Variants in HS6ST1 observed in about 807,000 individuals in gnomAD.
HS6ST1 encodes heparan-sulfate 6-O-sulfotransferase 1.
HS6ST1 carries 3 observed loss-of-function variants against 25.2 expected under a neutral mutation model. The observed-to-expected ratio is 0.12, with a 90% CI of 0.05 to 0.31. The LOEUF is 0.31. HS6ST1 is among the 10% of genes least tolerant of loss of function. The pLI, the probability that HS6ST1 is intolerant of heterozygous loss-of-function variation, is 1.00. For synonymous variants in HS6ST1, 204 were observed against 275.1 expected, an observed-to-expected ratio of 0.74 and a Z score of 2.56; for missense variants, 310 against 609.6, an observed-to-expected ratio of 0.51 and a Z score of 5.18.
intron 1 of HS6ST1, among the ~76,000 whole-genome samples, chr2:128,286,930 C>G (rs1483930177): frequency 1.3e-5 from 2 of 152,146 alleles, no homozygotes; most frequent in Non-Finnish European, 2.9e-5. Flanking sequence ...GGAGGCCCCT[C>G]TGAATGCCTC....
Position 128,294,359 on chromosome 2 carries a change from G to A in HS6ST1, c.527+23678C>T, listed in dbSNP as rs76246130. Among the ~76,000 whole-genome samples the A allele has an allele frequency of 6.3e-3, 964 of 152,330 alleles. 15 individuals carry two copies. Among genetic ancestry groups the A allele is most frequent in the African/African-American group, 0.021 (866 of 41,568 alleles). ...CTGCCCATGAAGTGCCGCAGTCCCC[G>A]AGGGAGGGGAGGGCTCTCCTTGCTA... is the stretch of plus-strand genomic sequence containing the variant. On this transcript the variant is annotated intron_variant, in intron 1 of 1. Transcript: ENST00000259241.
intron 1 of HS6ST1, among the ~76,000 whole-genome samples, chr2:128,315,469 G>A (rs1019661442): frequency 7.2e-5 from 11 of 152,164 alleles, no homozygotes; most frequent in African/African-American, 2.7e-4. Flanking sequence ...TGGGCAGGGA[G>A]GCAGGCAGAG....
chr2:128,288,092 G>A (rs1020139011), intron 1 of HS6ST1, among the ~76,000 whole-genome samples: 7 of 152,204 alleles, frequency 4.6e-5, no homozygotes, highest in Non-Finnish European at 8.8e-5. Context: ...GGGCTGGCTC[G>A]GCCTGAGACC....
chr2:128,280,271 G>C (rs1027050867), intron 1 of HS6ST1, among the ~76,000 whole-genome samples: 16 of 152,246 alleles, frequency 1.1e-4, no homozygotes, highest in Non-Finnish European at 1.6e-4. Flanking sequence ...GCGGGTGGCT[G>C]CCTCCTCTTT....
intron 1 of HS6ST1, among the ~76,000 whole-genome samples, chr2:128,275,912 C>T (rs1480316662): frequency 6.6e-6 from 1 of 152,164 alleles, no homozygotes; most frequent in Non-Finnish European, 1.5e-5. Context: ...GTAACAGTGC[C>T]AAATGCCCAC....
At chr2:128,279,412 T>G (rs1482272791) in intron 1 of HS6ST1, among the ~76,000 whole-genome samples, 1 of 149,552 alleles carries the variant, frequency 6.7e-6, no homozygotes, top group Non-Finnish European at 1.5e-5. Flanking sequence ...TGGTTTTCCG[T>G]GGCTCAGAGG....
In HS6ST1 at chr2:128,318,334, C is replaced by G; in HGVS notation, c.230G>C (p.Arg77Pro). 1 of 1,611,960 alleles carries G rather than the reference C, an allele frequency of 6.2e-7. No homozygotes were observed. Among genetic ancestry groups the G allele is most frequent in the Non-Finnish European group, 8.5e-7 (1 of 1,179,448 alleles). Residue 77 changes from arginine to proline, a missense_variant, in exon 1 of 2, where the codon CGC becomes CCC. By Grantham distance (103) the Arg-to-Pro change is moderately radical. This residue lies in a region of HS6ST1 where 9 missense variants were observed against 27.4 expected (regional missense o/e 0.33). Transcript: ENST00000259241. This position sits in a 1 kb window ranked among gnomAD's most constrained non-coding sequence, Gnocchi z 5.7. ...GCCCTTCATGTCGAAGCGCAGCGAG[C>G]GCTCCAGCTCGCGGACCGGGAAGTA... The part of the protein sequence containing the change: ...KYYFPVRELE[R>P]SLRFDMKGDD...
chr2:128,294,128 A>C (rs756087091), intron 1 of HS6ST1, among the ~76,000 whole-genome samples: 1 of 152,254 alleles, frequency 6.6e-6, no homozygotes, highest in East Asian at 1.9e-4. Flanking sequence ...AACTCCATGA[A>C]GCACTGTCCT....
At chr2:128,290,661 G>C (rs1476771782) in intron 1 of HS6ST1, among the ~76,000 whole-genome samples, 1 of 151,962 alleles carries the variant, frequency 6.6e-6, no homozygotes, top group Non-Finnish European at 1.5e-5. Context: ...AAAACTCTCA[G>C]GAAACTAGGA....
chr2:128,269,344 G>T (rs960612079), intron 1 of HS6ST1, among the ~76,000 whole-genome samples: 2 of 152,324 alleles, frequency 1.3e-5, no homozygotes, highest in Middle Eastern at 3.4e-3. Context: ...TGGTGGTTGG[G>T]GGGGGGGTGC....
intron 1 of HS6ST1, among the ~76,000 whole-genome samples, chr2:128,306,511 C>T (rs940387357): frequency 5.3e-5 from 8 of 152,192 alleles, no homozygotes; most frequent in Non-Finnish European, 2.9e-5. Context: ...TACACAGGAG[C>T]CTCTAAAGCT....
intron 1 of HS6ST1, among the ~76,000 whole-genome samples, chr2:128,315,556 A>G (rs979692505): frequency 6.6e-6 from 1 of 152,170 alleles, no homozygotes; most frequent in Admixed American, 6.5e-5. Context: ...ACATCGCAGG[A>G]GGGCCAGGGT....
Position 128,268,666 on chromosome 2 carries a change from G to A in HS6ST1, c.732C>T (p.Asn244=), listed in dbSNP as rs377558103. The change falls in exon 2 of 2, where the codon AAC becomes AAT. Residue 244 remains asparagine (N), a synonymous_variant. Coordinates refer to ENST00000259241, the MANE Select transcript of HS6ST1 (RefSeq NM_004807.3). The stretch of plus-strand genomic sequence containing the variant: ...TGCGCACCTGGCGGTTGTTGGCCAG[G>A]TTGTACGGGCAGTCCATGAACTCCT... ...TLQEFMDCPY[N]LANNRQVRML... The A allele has an allele frequency of 5.2e-4, 840 of 1,611,114 alleles. No individual in the cohort carries two copies. The highest frequency in any genetic ancestry group is 6.6e-4 in the Non-Finnish European group (773 of 1,179,546).
intron 1 of HS6ST1, among the ~76,000 whole-genome samples, chr2:128,308,039 C>T (rs1224024651): frequency 2.0e-5 from 3 of 152,192 alleles, no homozygotes; most frequent in Admixed American, 6.5e-5. Context: ...CGGCAAGTTG[C>T]AGAAGGTCAA....
intron 1 of HS6ST1, among the ~76,000 whole-genome samples, chr2:128,313,017 C>A (rs542317129): frequency 6.6e-6 from 1 of 152,028 alleles, no homozygotes; most frequent in Non-Finnish European, 1.5e-5. Flanking sequence ...GAGCTGAGAT[C>A]GTGCCATCAT....
chr2:128,292,592 G>A (rs1033668141), intron 1 of HS6ST1, among the ~76,000 whole-genome samples: 6 of 152,168 alleles, frequency 3.9e-5, no homozygotes, highest in African/African-American at 9.7e-5. Context: ...CCAGGCTCAC[G>A]GGGAGGCTGT....
chr2:128,307,719 C>G (rs772109171), intron 1 of HS6ST1, among the ~76,000 whole-genome samples: 3 of 152,202 alleles, frequency 2.0e-5, no homozygotes, highest in Non-Finnish European at 4.4e-5. Context: ...CACAGAGGTC[C>G]CATTTCCTGG....
At chr2:128,276,169 C>T (rs898684814) in intron 1 of HS6ST1, among the ~76,000 whole-genome samples, 1 of 152,154 alleles carries the variant, frequency 6.6e-6, no homozygotes, top group Non-Finnish European at 1.5e-5. Flanking sequence ...GCTCTGTTGC[C>T]CAGGCTGGAG....
rs1393192285 is a variant in HS6ST1 at position 128,268,127 on chromosome 2, C to T, written c.*35G>A. 4 of 1,482,710 alleles carry T rather than the reference C, an allele frequency of 2.7e-6. No individual in the cohort carries two copies. Among genetic ancestry groups the T allele is most frequent in the Admixed American group, 3.8e-5 (2 of 53,326 alleles). The allele number at this position is 1,482,710 out of a possible 1,614,324, so 91.8% of individuals were successfully genotyped here. A position where few individuals can be genotyped will look rare whatever the true frequency, so the allele number is the denominator to read the frequency against. ...CGTCTGTCCTGTTTTATCCCCCACA[C>T]CCCCCAAGAGGCCTCCCCGTGGCCA... On this transcript the variant is annotated 3_prime_UTR_variant, in exon 2 of 2. Transcript: ENST00000259241.
Sources: allele counts gnomAD v4.1 joint callset (sites outside exome capture counted in the v4.1 genomes callset), GRCh38; gene constraint gnomAD v4.1.1; regional missense constraint gnomAD v4.1.1; non-coding constraint Gnocchi (gnomAD v3.1); transcripts MANE v1.5; gene names NCBI Gene and HGNC (gene_info 2026-07-23, HGNC 2026-07-21).